COL23A1: variants seen among roughly 807,000 people sequenced by gnomAD.
COL23A1 encodes collagen alpha-1(XXIII) chain.
A neutral mutation model predicts 99.3 loss-of-function variants in COL23A1; 97 were observed. That is an observed-to-expected ratio of 0.98 (90% CI 0.83 to 1.16). The LOEUF (loss-of-function observed/expected upper bound fraction) is 1.16, where lower values mean the gene tolerates loss of function less well. Among genes scored for constraint, COL23A1 ranks in the 50% most tolerant of loss-of-function variants. The pLI, the probability that COL23A1 is intolerant of heterozygous loss-of-function variation, is 0.00. For missense variants in COL23A1, 762 were observed against 757.4 expected (o/e 1.01, Z -0.07); for synonymous variants, 320 against 308.2 (o/e 1.04, Z -0.40).
intron 7 of COL23A1, 89 bp from the exon 8 acceptor site, chr5:178,267,422 G>A: frequency 7.8e-7 from 1 of 1,285,040 alleles, no homozygotes; most frequent in East Asian, 2.4e-5. Context: ...GTGCTTCATA[G>A]ACATGGTATG....
At chr5:178,291,444 G>A (rs114409337) in intron 3 of COL23A1, among the ~76,000 whole-genome samples, 1,585 of 152,302 alleles carry the variant, frequency 0.01, 32 homozygotes, top group African/African-American at 0.036. Flanking sequence ...AGGCTGGGCC[G>A]AGTCCAGAGG....
chr5:178,373,388 G>A (rs1418334687), intron 2 of COL23A1, among the ~76,000 whole-genome samples: 1 of 152,104 alleles, frequency 6.6e-6, no homozygotes, highest in Non-Finnish European at 1.5e-5. Context: ...GAACCTCCAA[G>A]GTGTCCTGCC....
intron 3 of COL23A1, among the ~76,000 whole-genome samples, chr5:178,292,066 G>C (rs1757488658): frequency 6.6e-6 from 1 of 152,134 alleles, no homozygotes; most frequent in South Asian, 2.1e-4. Context: ...GTATACATCT[G>C]TGCCTGTACC....
chr5:178,362,659 G>A (rs898587845), intron 2 of COL23A1, among the ~76,000 whole-genome samples: 18 of 152,146 alleles, frequency 1.2e-4, no homozygotes, highest in Non-Finnish European at 1.9e-4. Flanking sequence ...TCACCCAGGA[G>A]TCTCCGCCAT....
intron 2 of COL23A1, among the ~76,000 whole-genome samples, chr5:178,441,178 G>GT (rs1411164257): frequency 6.6e-6 from 1 of 152,072 alleles, no homozygotes; most frequent in Non-Finnish European, 1.5e-5. Context: ...CCTTTGTGTC[G>GT]TATTTTTTTC....
Position 178,309,702 on chromosome 5 carries a change from AC to A in COL23A1, c.362-2784del, listed in dbSNP as rs67991007. 1 allele frequency among the ~76,000 whole-genome samples: 145,761 copies of A among 146,122 alleles called. 72,703 individuals carry two copies. The highest frequency in any genetic ancestry group is 1 in the Middle Eastern group (288 of 288). Reference sequence around the variant, plus strand: ...CAGCACCCAAGCAGTCAAGCCAGAGACCCCCCCCCGGGCATCATCCTGCCCC... The same window carrying A: ...CAGCACCCAAGCAGTCAAGCCAGAGACCCCCCCCGGGCATCATCCTGCCCC... On this transcript the variant is annotated intron_variant, in intron 2 of 28. Coordinates refer to ENST00000390654, the MANE Select transcript of COL23A1 (RefSeq NM_173465.4). The surrounding 1 kb of genome is among the most constrained non-coding windows in gnomAD (Gnocchi z 4.7).
chr5:178,376,936 C>T (rs933786378), intron 2 of COL23A1, among the ~76,000 whole-genome samples: 2 of 152,282 alleles, frequency 1.3e-5, no homozygotes, highest in African/African-American at 2.4e-5. Flanking sequence ...TATCTTCCCC[C>T]GAAAAGGCTG....
At chr5:178,501,866 A>T (rs553782448) in intron 2 of COL23A1, among the ~76,000 whole-genome samples, 2 of 152,326 alleles carry the variant, frequency 1.3e-5, no homozygotes, top group South Asian at 4.1e-4. Flanking sequence ...GGGTGTCAGC[A>T]GAGGCCTTGC....
In COL23A1 at chr5:178,434,213, C is replaced by T. The variant is rs1363864644; in HGVS notation, c.361+126469G>A. ...CAAGGCTTAGAGAAGTGGGCTGCCCCAGGTCACACACTGATGCCCCAGGTC... is the reference window on the plus strand; with the variant it reads ...CAAGGCTTAGAGAAGTGGGCTGCCCTAGGTCACACACTGATGCCCCAGGTC... On this transcript the variant is annotated intron_variant, in intron 2 of 28. Coordinates refer to ENST00000390654, the MANE Select transcript of COL23A1 (RefSeq NM_173465.4). This position sits in a 1 kb window ranked among gnomAD's most constrained non-coding sequence, Gnocchi z 4.3. 6.6e-6 allele frequency among the ~76,000 whole-genome samples: 1 copy of T among 152,230 alleles called. No individual in the cohort carries two copies. Among genetic ancestry groups the T allele is most frequent in the Non-Finnish European group, 1.5e-5 (1 of 68,036 alleles).
intron 2 of COL23A1, among the ~76,000 whole-genome samples, chr5:178,379,495 T>C (rs566644870): frequency 1.3e-5 from 2 of 152,234 alleles, no homozygotes; most frequent in Non-Finnish European, 2.9e-5. Flanking sequence ...CATTATTCTC[T>C]GTATTTTGGT....
chr5:178,469,939 T>A lies in COL23A1; in HGVS notation c.361+90743A>T, dbSNP rs370180838. ...TATCTTCCCAGGCACCTCCTCTCAC[T>A]GGTCTTTCTCATGGCAATCATCACA... On this transcript the variant is annotated intron_variant, in intron 2 of 28. Coordinates refer to ENST00000390654, the MANE Select transcript of COL23A1 (RefSeq NM_173465.4). Among the ~76,000 whole-genome samples, 10 of 152,334 alleles carry A rather than the reference T, an allele frequency of 6.6e-5. 1 individual carries two copies. The South Asian group carries it at 1.2e-3, about 19-fold the overall frequency.
chr5:178,450,553 G>A (rs768132240), intron 2 of COL23A1, among the ~76,000 whole-genome samples: 1 of 152,188 alleles, frequency 6.6e-6, no homozygotes, highest in Non-Finnish European at 1.5e-5. Context: ...CCGCTACACC[G>A]GTGTCTGTGC....
At chr5:178,380,297 G>A (rs1236189553) in intron 2 of COL23A1, among the ~76,000 whole-genome samples, 1 of 152,132 alleles carries the variant, frequency 6.6e-6, no homozygotes, top group Non-Finnish European at 1.5e-5. Flanking sequence ...AGATGAGGGG[G>A]TCCAATGTGG....
chr5:178,322,139 C>T (rs1759357607), intron 2 of COL23A1, among the ~76,000 whole-genome samples: 1 of 152,042 alleles, frequency 6.6e-6, no homozygotes, highest in African/African-American at 2.4e-5. Flanking sequence ...ACTATAGGCA[C>T]CCGCCAGCAC....
rs1758793666 is a variant in COL23A1, at chr5:178,313,127, G to A, written c.362-6208C>T. ...ATACGGAAGGATTCCACTTCTGGAG[G>A]CTCCTGCAGTCGCCAGATTCACAGG... On this transcript the variant is annotated intron_variant, in intron 2 of 28. Coordinates refer to ENST00000390654, the MANE Select transcript of COL23A1 (RefSeq NM_173465.4). The surrounding 1 kb of genome is among the most constrained non-coding windows in gnomAD (Gnocchi z 4.2). 1.3e-5 allele frequency among the ~76,000 whole-genome samples: 2 copies of A among 152,176 alleles called. No homozygotes were observed. Among genetic ancestry groups the A allele is most frequent in the African/African-American group, 4.8e-5 (2 of 41,438 alleles).
intron 2 of COL23A1, among the ~76,000 whole-genome samples, chr5:178,335,802 T>C (rs1230141818): frequency 6.6e-6 from 1 of 152,246 alleles, no homozygotes. Flanking sequence ...GGCGAACTTC[T>C]TGCACAGTTC....
chr5:178,301,327 A>G (rs973084594), intron 3 of COL23A1, among the ~76,000 whole-genome samples: 6 of 152,238 alleles, frequency 3.9e-5, no homozygotes, highest in African/African-American at 1.4e-4. Context: ...TTAGAGGGAC[A>G]TGATTCTCAT....
intron 2 of COL23A1, among the ~76,000 whole-genome samples, chr5:178,517,460 G>A (rs1212896157): frequency 1.3e-5 from 2 of 151,570 alleles, no homozygotes; most frequent in African/African-American, 4.9e-5. Flanking sequence ...GCTAACAGGA[G>A]AGTCTGTTAA....
chr5:178,322,816 C>A (rs973716402), intron 2 of COL23A1, among the ~76,000 whole-genome samples: 1 of 152,300 alleles, frequency 6.6e-6, no homozygotes, highest in African/African-American at 2.4e-5. Flanking sequence ...GGGTTCCATG[C>A]GCAGCAACAC....
Sources: allele counts gnomAD v4.1 joint callset (sites outside exome capture counted in the v4.1 genomes callset), GRCh38; gene constraint gnomAD v4.1.1; non-coding constraint Gnocchi (gnomAD v3.1); transcripts MANE v1.5; gene names NCBI Gene and HGNC (gene_info 2026-07-23, HGNC 2026-07-21).